The following MYH10 variants were observed in gnomAD, a reference collection of about 807,000 sequenced individuals.
MYH10 encodes the protein myosin-10.
A neutral mutation model predicts 257.8 loss-of-function variants in MYH10; 55 were observed. That is an observed-to-expected ratio of 0.21 (90% CI 0.17 to 0.27). The LOEUF (loss-of-function observed/expected upper bound fraction) is 0.27, where lower values mean the gene tolerates loss of function less well. Ranked by LOEUF, MYH10 falls within the 10% of genes least tolerant of loss-of-function variation. MYH10 has a pLI of 1.00. For synonymous variants in MYH10, 854 were observed against 921.7 expected (o/e 0.93, Z 1.33); for missense variants, 1,631 against 2,500.6 (o/e 0.65, Z 7.42).
Position 8,500,869 on chromosome 17 carries a change from G to T in MYH10, c.3701C>A (p.Thr1234Lys). ...CTGCTCTGAGAGCTCCTCCAGGGCT[G>T]TTGCGTGTCTTTGTCTCATGTCCTG... ...QIQDMRQRHA[T>K]ALEELSEQLE... The change falls in exon 29 of 43, where the codon ACA (threonine) becomes AAA (lysine). Residue 1234 changes from threonine to lysine, a missense_variant. Around this residue, in one of 11 missense-constraint regions of MYH10, gnomAD observed 463 missense variants for 621.8 expected, o/e 0.74. Coordinates refer to ENST00000360416, the MANE Select transcript of MYH10 (RefSeq NM_001256012.3). 6.2e-7 allele frequency: 1 copy of T among 1,614,012 alleles called. No individual in the cohort carries two copies. The highest frequency in any genetic ancestry group is 8.5e-7 in the Non-Finnish European group (1 of 1,180,042).
At chr17:8,585,763 G>T (rs948704614) in intron 4 of MYH10, among the ~76,000 whole-genome samples, 1 of 152,004 alleles carries the variant, frequency 6.6e-6, no homozygotes, top group Non-Finnish European at 1.5e-5. Flanking sequence ...TCTGGATAAC[G>T]GTTTGGGTTA....
intron 31 of MYH10, among the ~76,000 whole-genome samples, chr17:8,494,557 T>A (rs1407375281): frequency 6.6e-6 from 1 of 152,056 alleles, no homozygotes; most frequent in Non-Finnish European, 1.5e-5. Flanking sequence ...TTTTTTTTAA[T>A]CCCCAGCACC....
At chr17:8,514,007 A>AT in intron 21 of MYH10, 113 bp from the exon 22 acceptor site, 3 of 911,170 alleles carry the variant, frequency 3.3e-6, no homozygotes, top group Non-Finnish European at 5.0e-6. Flanking sequence ...ATAGGGAATG[A>AT]TTGCATCAAT....
At chr17:8,493,396 A>C (rs976315478) in intron 32 of MYH10, among the ~76,000 whole-genome samples, 11 of 152,048 alleles carry the variant, frequency 7.2e-5, no homozygotes, top group Non-Finnish European at 1.2e-4. Flanking sequence ...GAAAAAAAAA[A>C]CCTTTTGTTT....
At chr17:8,594,560 C>T (rs1177284197) in intron 3 of MYH10, among the ~76,000 whole-genome samples, 3 of 152,050 alleles carry the variant, frequency 2.0e-5, no homozygotes, top group Non-Finnish European at 4.4e-5. Context: ...ACCATATGAC[C>T]CAGCGATCTT....
At chr17:8,628,018 A>G (rs898899131) in intron 1 of MYH10, among the ~76,000 whole-genome samples, 33 of 152,232 alleles carry the variant, frequency 2.2e-4, no homozygotes, top group Non-Finnish European at 2.2e-4. Context: ...GAAATTTTGA[A>G]GGGTGTGTAG....
intron 2 of MYH10, among the ~76,000 whole-genome samples, chr17:8,617,614 T>C (rs565701121): frequency 3.2e-4 from 48 of 152,290 alleles, no homozygotes; most frequent in Non-Finnish European, 6.0e-4. Context: ...ATTCCACTCC[T>C]AGTTACACAC....
chr17:8,604,452 T>A (rs1259998969), intron 3 of MYH10, among the ~76,000 whole-genome samples: 1 of 152,232 alleles, frequency 6.6e-6, no homozygotes, highest in Non-Finnish European at 1.5e-5. Flanking sequence ...AATAATACTT[T>A]ACAATTTTTC....
rs1597792117 is a variant in MYH10, at chr17:8,545,739, C to T, written c.1279-139G>A. ...ACTGCTTAATCATGTCTCAATTTTA[C>T]ACATCAATAGAAGGCAATATTAGAA... On this transcript the variant is annotated intron_variant, in intron 12 of 42. Coordinates refer to ENST00000360416, the MANE Select transcript of MYH10 (RefSeq NM_001256012.3). This position sits in a 1 kb window ranked among gnomAD's most constrained non-coding sequence, Gnocchi z 4.7. The T allele has an allele frequency of 1.3e-6, 1 of 784,128 alleles. No homozygotes were observed. Among genetic ancestry groups the T allele is most frequent in the East Asian group, 2.7e-5 (1 of 37,034 alleles). 48.6% of individuals were successfully genotyped at this position (784,128 alleles called of 1,614,324 possible). A position where few individuals can be genotyped will look rare whatever the true frequency, so the allele number is the denominator to read the frequency against.
At chr17:8,611,238 T>C (rs886561676) in intron 2 of MYH10, among the ~76,000 whole-genome samples, 1 of 152,190 alleles carries the variant, frequency 6.6e-6, no homozygotes, top group Non-Finnish European at 1.5e-5. Flanking sequence ...TGAAGCCCAG[T>C]TGGAACAGAA....
chr17:8,475,961 G>A lies in MYH10; in HGVS notation c.5880-13C>T, dbSNP rs1227472489. The A allele has an allele frequency of 1.2e-6, 2 of 1,609,798 alleles. No homozygotes were observed. The highest frequency in any genetic ancestry group is 1.7e-6 in the Non-Finnish European group (2 of 1,178,984). On this transcript the variant is annotated splice_polypyrimidine_tract_variant and intron_variant, in intron 42 of 42. Coordinates refer to ENST00000360416, the MANE Select transcript of MYH10 (RefSeq NM_001256012.3). ...GGGGCCACCCCGCCTGGAGAACACA[G>A]GAAGCAGATGTGTGTGGGTAAACAG...
chr17:8,561,408 T>A, intron 7 of MYH10: 1 of 1,041,776 alleles, frequency 9.6e-7, no homozygotes, highest in Non-Finnish European at 1.5e-6. Flanking sequence ...GTGTCTTCGA[T>A]GCCTATGTGC....
At chr17:8,525,482 A>G (rs1018446357) in intron 17 of MYH10, among the ~76,000 whole-genome samples, 2 of 152,268 alleles carry the variant, frequency 1.3e-5, no homozygotes, top group Non-Finnish European at 2.9e-5. Flanking sequence ...CTGGGCACAC[A>G]GTAGCTATTT....
rs1430562635 is a variant in MYH10, at chr17:8,474,589, A to AG, written c.*1214_*1215insC. 33 of 152,680 alleles carry AG rather than the reference A, an allele frequency of 2.2e-4. No individual in the cohort carries two copies. Among genetic ancestry groups the AG allele is most frequent in the African/African-American group, 8.0e-4 (33 of 41,470 alleles). 9.5% of individuals were successfully genotyped at this position (152,680 alleles called of 1,614,324 possible). The stretch of plus-strand genomic sequence containing the variant: ...CACTTTGACTAGAGAGGTACATGAT[A>AG]TGAAGCACAGTCAAAACTGAATACA... On this transcript the variant is annotated 3_prime_UTR_variant, in exon 43 of 43. Transcript: ENST00000360416.
chr17:8,495,441 C>T (rs1203990515), intron 30 of MYH10, among the ~76,000 whole-genome samples, 200 bp from the exon 31 acceptor site: 1 of 152,086 alleles, frequency 6.6e-6, no homozygotes, highest in Non-Finnish European at 1.5e-5. Flanking sequence ...GAACCTGCCT[C>T]CCTGGCCACC....
intron 2 of MYH10, among the ~76,000 whole-genome samples, chr17:8,611,791 G>A (rs1009996906): frequency 9.2e-5 from 14 of 152,180 alleles, no homozygotes; most frequent in African/African-American, 3.1e-4. Flanking sequence ...AGCATGTGAA[G>A]TATGTGAGTC....
chr17:8,510,275 C>T (rs11651210), intron 24 of MYH10, among the ~76,000 whole-genome samples: 78,513 of 151,554 alleles, frequency 0.52, 21,469 homozygotes, highest in Middle Eastern at 0.64. Flanking sequence ...ATCTCCTGAC[C>T]TCATGATCCA....
intron 14 of MYH10, among the ~76,000 whole-genome samples, chr17:8,539,420 G>A (rs942826948): frequency 2.0e-5 from 3 of 152,038 alleles, no homozygotes; most frequent in Admixed American, 1.3e-4. Context: ...CGAATTCACA[G>A]AGCATCAGTT....
Position 8,513,583 on chromosome 17 carries a change from C to T in MYH10, c.2700G>A (p.Thr900=), listed in dbSNP as rs11374. Residue 900 remains threonine (T), a synonymous_variant, in exon 23 of 43, where the codon ACG becomes ACA. Coordinates refer to ENST00000360416, the MANE Select transcript of MYH10 (RefSeq NM_001256012.3). ...EELLKVKEKQ[T]KVEGELEEME... is the part of the protein sequence containing the mutation. Reference sequence around the variant, plus strand: ...TCTCCTCCAGCTCTCCTTCCACCTTCGTCTGCTTCTCCTTCACCTTCAACA... The same window carrying T: ...TCTCCTCCAGCTCTCCTTCCACCTTTGTCTGCTTCTCCTTCACCTTCAACA... The T allele has an allele frequency of 0.4, 637,895 of 1,613,808 alleles. 126,444 individuals are homozygous for T. Among genetic ancestry groups the T allele is most frequent in the East Asian group, 0.45 (20,288 of 44,868 alleles).
Sources: allele counts gnomAD v4.1 joint callset (sites outside exome capture counted in the v4.1 genomes callset), GRCh38; gene constraint gnomAD v4.1.1; regional missense constraint gnomAD v4.1.1; non-coding constraint Gnocchi (gnomAD v3.1); transcripts MANE v1.5; gene names NCBI Gene and HGNC (gene_info 2026-07-23, HGNC 2026-07-21).